DNAH11: variants seen among roughly 807,000 people sequenced by gnomAD.
The protein encoded by DNAH11 is axonemal beta dynein heavy chain 11.
A neutral mutation model predicts 526.0 loss-of-function variants in DNAH11; 442 were observed. The observed-to-expected ratio is 0.84, with a 90% CI of 0.78 to 0.91. The LOEUF is 0.91. Ranked by LOEUF, DNAH11 falls within the 40% of genes least tolerant of loss-of-function variation. DNAH11 has a pLI of 0.00. For missense variants in DNAH11, 6,989 were observed against 5,448.7 expected (o/e 1.28, Z -8.90); for synonymous variants, 2,461 against 1,935.9 (o/e 1.27, Z -7.12).
chr7:21,567,904 G>A (rs1309885168), intron 6 of DNAH11, among the ~76,000 whole-genome samples: 4 of 152,124 alleles, frequency 2.6e-5, no homozygotes, highest in Non-Finnish European at 4.4e-5. Context: ...CTGGTAACCT[G>A]ACACTACTCC....
intron 35 of DNAH11, among the ~76,000 whole-genome samples, chr7:21,695,226 A>C (rs144239333): frequency 6.6e-6 from 1 of 152,222 alleles, no homozygotes; most frequent in Non-Finnish European, 1.5e-5. Context: ...CTTTCTTCAC[A>C]GAAGTAGAAA....
At chr7:21,701,946 C>T (rs1030245139) in intron 36 of DNAH11, among the ~76,000 whole-genome samples, 24 of 151,922 alleles carry the variant, frequency 1.6e-4, no homozygotes, top group African/African-American at 5.6e-4. Context: ...AGGGCCAGTC[C>T]CGTGTAAGCA....
chr7:21,879,523 A>G (rs1783835765), intron 74 of DNAH11, among the ~76,000 whole-genome samples: 1 of 152,146 alleles, frequency 6.6e-6, no homozygotes, highest in South Asian at 2.1e-4. Context: ...TATATCACCC[A>G]GTCATCCCAA....
At chr7:21,877,613 C>T (rs756344249) in intron 74 of DNAH11, among the ~76,000 whole-genome samples, 7 of 151,844 alleles carry the variant, frequency 4.6e-5, no homozygotes, top group Admixed American at 2.6e-4. Flanking sequence ...CGGTGGCTCA[C>T]GCCTGTAATC....
rs1786354588 is a variant in DNAH11, at chr7:21,750,232, A to G, written c.8808A>G (p.Pro2936=). The G allele has an allele frequency of 6.2e-7, 1 of 1,603,300 alleles. No homozygotes were observed. Among genetic ancestry groups the G allele is most frequent in the Non-Finnish European group, 8.5e-7 (1 of 1,175,282 alleles). ...INDLLASGEI[P]DLFSDEDVDK... is the part of the protein sequence containing the mutation. ...CATTCTTTGGGGCAGGAGAAATCCC[A>G]GATCTGTTCAGCGATGAAGATGTGG... Residue 2936 remains proline (P), a synonymous_variant, in exon 54 of 82, where the codon CCA becomes CCG. Transcript: ENST00000409508.
chr7:21,858,165 A>T (rs1001391774), intron 68 of DNAH11, among the ~76,000 whole-genome samples: 1 of 152,198 alleles, frequency 6.6e-6, no homozygotes, highest in Non-Finnish European at 1.5e-5. Flanking sequence ...AATGCAAAAT[A>T]AAAGCAGAAT....
intron 8 of DNAH11, 63 bp from the exon 9 acceptor site, chr7:21,581,842 T>A (rs1428399498): frequency 5.0e-6 from 5 of 1,004,494 alleles, no homozygotes; most frequent in Middle Eastern, 2.1e-4. Flanking sequence ...CACGCTTGTG[T>A]GATTGCTATT....
chr7:21,730,847 A>G (rs986477862), intron 45 of DNAH11, among the ~76,000 whole-genome samples: 1 of 152,184 alleles, frequency 6.6e-6, no homozygotes, highest in Non-Finnish European at 1.5e-5. Context: ...CTTCCCATAA[A>G]AAATAAGCAC....
chr7:21,553,459 A>G (rs1334356734), intron 2 of DNAH11, among the ~76,000 whole-genome samples: 2 of 151,900 alleles, frequency 1.3e-5, no homozygotes, highest in African/African-American at 4.8e-5. Context: ...CTTAGGGAGG[A>G]GGGATCCACA....
chr7:21,660,456 T>A (rs969956346), intron 30 of DNAH11, among the ~76,000 whole-genome samples: 1 of 151,966 alleles, frequency 6.6e-6, no homozygotes, highest in Non-Finnish European at 1.5e-5. Flanking sequence ...TAGACTGTTT[T>A]ATTGCTTATA....
chr7:21,812,617 G>A (rs111651625), intron 63 of DNAH11, among the ~76,000 whole-genome samples: 2,725 of 152,238 alleles, frequency 0.018, 72 homozygotes, highest in African/African-American at 0.057. Context: ...TGGCACCACT[G>A]AACTCCAGGC....
chr7:21,792,876 A>C (rs1788536775), intron 61 of DNAH11, among the ~76,000 whole-genome samples: 1 of 151,592 alleles, frequency 6.6e-6, no homozygotes, highest in African/African-American at 2.4e-5. Context: ...TCAGTCATTT[A>C]TTTATGCTCT....
chr7:21,901,171 T>C lies in DNAH11; in HGVS notation c.13468T>C (p.Tyr4490His), dbSNP rs1276436338. The C allele has an allele frequency of 6.2e-7, 1 of 1,610,716 alleles. No homozygotes were observed. Among genetic ancestry groups the C allele is most frequent in the African/African-American group, 1.3e-5 (1 of 74,842 alleles). The change falls in exon 82 of 82, where the codon TAC becomes CAC. Residue 4490 changes from tyrosine to histidine, a missense_variant. Transcript: ENST00000409508. ...TAGAACCAAACTGAGAGGCCCCAGC[T>C]ACATCTGGACCTTCAGGCTGAAGAG... ...VYRTKLRGPS[Y>H]IWTFRLKSEE...
At chr7:21,650,344 A>G (rs1243189666) in intron 28 of DNAH11, among the ~76,000 whole-genome samples, 1 of 152,156 alleles carries the variant, frequency 6.6e-6, no homozygotes, top group East Asian at 1.9e-4. Flanking sequence ...CAAATATAGA[A>G]ATACATTAAA....
intron 42 of DNAH11, among the ~76,000 whole-genome samples, chr7:21,715,864 C>A (rs543597182): frequency 6.7e-6 from 1 of 148,222 alleles, no homozygotes; most frequent in African/African-American, 2.6e-5. Context: ...TTTCCCCCTC[C>A]CACCCCCACT....
chr7:21,707,846 C>T lies in DNAH11; in HGVS notation c.6683+11C>T. On this transcript the variant is annotated intron_variant, in intron 40 of 81. Coordinates refer to ENST00000409508, the MANE Select transcript of DNAH11 (RefSeq NM_001277115.2). ...ATGGAAAGATGGCAAGTAGTATTTCCCCTTTAGAAGTGCTCAATTTTTTTT... is the reference window on the plus strand; with the variant it reads ...ATGGAAAGATGGCAAGTAGTATTTCTCCTTTAGAAGTGCTCAATTTTTTTT... 1 of 1,587,752 alleles carries T rather than the reference C, an allele frequency of 6.3e-7. No individual in the cohort carries two copies. Among genetic ancestry groups the T allele is most frequent in the Non-Finnish European group, 8.6e-7 (1 of 1,168,664 alleles).
At chr7:21,749,566 C>G in intron 52 of DNAH11, 112 bp from the exon 53 acceptor site, 2 of 1,401,530 alleles carry the variant, frequency 1.4e-6, no homozygotes, top group Non-Finnish European at 1.9e-6. Flanking sequence ...GGGAAAGGCA[C>G]CCCACAGTGC....
At position 21,894,650 on chromosome 7, in the gene DNAH11, G is replaced by C. The variant is rs1237802706; in HGVS notation, c.12778G>C (p.Glu4260Gln). The change falls in exon 78 of 82, where the codon GAG becomes CAG. Residue 4260 changes from glutamate to glutamine, a missense_variant. By Grantham distance (29) the Glu-to-Gln change is conservative (BLOSUM62 2). Coordinates refer to ENST00000409508, the MANE Select transcript of DNAH11 (RefSeq NM_001277115.2). ...KVKNVLDDIL[E>Q]KLPEEFNMAE... ...TAAGAATGTCTTGGATGACATTTTGGAGAAACTTCCAGAAGAGTTCAACAT... is the reference window on the plus strand; with the variant it reads ...TAAGAATGTCTTGGATGACATTTTGCAGAAACTTCCAGAAGAGTTCAACAT... 1.9e-6 allele frequency: 3 copies of C among 1,613,878 alleles called. No individual in the cohort carries two copies. Among genetic ancestry groups the C allele is most frequent in the Non-Finnish European group, 2.5e-6 (3 of 1,179,874 alleles).
chr7:21,743,128 T>G (rs1785987552), intron 49 of DNAH11, among the ~76,000 whole-genome samples: 1 of 152,234 alleles, frequency 6.6e-6, no homozygotes, highest in African/African-American at 2.4e-5. Flanking sequence ...ACATGAATTG[T>G]AGGGGCCGTT....
Sources: gnomAD v4.1 joint callset for allele counts (sites outside exome capture counted in the v4.1 genomes callset) on GRCh38, gnomAD v4.1.1 for gene constraint, MANE v1.5 for transcripts, NCBI Gene and HGNC (gene_info 2026-07-23, HGNC 2026-07-21) for gene names.